Variants in BTAF1 observed in about 807,000 individuals in gnomAD.
BTAF1 encodes B-TFIID TATA-box binding protein associated factor 1.
BTAF1 carries 38 observed loss-of-function variants against 227.1 expected under a neutral mutation model. That is an observed-to-expected ratio of 0.17 (90% CI 0.13 to 0.22). The LOEUF (loss-of-function observed/expected upper bound fraction) is 0.22, where lower values mean the gene tolerates loss of function less well. Among genes scored for constraint, BTAF1 ranks in the 10% least tolerant of loss-of-function variants. The pLI, the probability that BTAF1 is intolerant of heterozygous loss-of-function variation, is 1.00. For synonymous variants in BTAF1, 742 were observed against 751.9 expected, an observed-to-expected ratio of 0.99 and a Z score of 0.21; for missense variants, 1,598 against 2,204.0, an observed-to-expected ratio of 0.73 and a Z score of 5.51.
At position 91,942,298 on chromosome 10, in the gene BTAF1, T is replaced by TTG. The variant is rs58443276; in HGVS notation, c.254-92_254-91dup. 0.022 allele frequency: 11,772 copies of TTG among 544,822 alleles called. 120 individuals are homozygous for TTG. The highest frequency in any genetic ancestry group is 0.068 in the African/African-American group (3,476 of 51,302). 33.7% of individuals were successfully genotyped at this position (544,822 alleles called of 1,614,324 possible). ...GACCTCACTTCTTAAAAAAAAAAGT[T>TTG]TGTGTGTGTGTGTGTGTGTGTGTGT... On this transcript the variant is annotated intron_variant, in intron 3 of 37. Coordinates refer to ENST00000265990, the MANE Select transcript of BTAF1 (RefSeq NM_003972.3).
chr10:91,952,084 C>T (rs1030847426), intron 5 of BTAF1, among the ~76,000 whole-genome samples: 1 of 151,124 alleles, frequency 6.6e-6, no homozygotes, highest in Admixed American at 6.6e-5. Context: ...GTTACTTGTG[C>T]ATCATTTCTG....
chr10:91,986,976 C>T (rs1848436660), intron 19 of BTAF1, among the ~76,000 whole-genome samples: 1 of 152,064 alleles, frequency 6.6e-6, no homozygotes, highest in South Asian at 2.1e-4. Context: ...ATCTTTGTCT[C>T]TTGCACCATT....
intron 5 of BTAF1, among the ~76,000 whole-genome samples, chr10:91,953,312 A>G (rs1845887816): frequency 6.6e-6 from 1 of 152,232 alleles, no homozygotes; most frequent in African/African-American, 2.4e-5. Flanking sequence ...GGACTATAGC[A>G]TGCTGGACCA....
rs1850733829 is a variant in BTAF1 at position 92,016,477 on chromosome 10, A to G, written c.4710+12A>G. The G allele has an allele frequency of 4.6e-6, 7 of 1,531,250 alleles. No individual in the cohort carries two copies. Among genetic ancestry groups the G allele is most frequent in the East Asian group, 2.4e-5 (1 of 41,644 alleles). 94.9% of individuals were successfully genotyped at this position (1,531,250 alleles called of 1,614,324 possible). On this transcript the variant is annotated intron_variant, in intron 33 of 37. Coordinates refer to ENST00000265990, the MANE Select transcript of BTAF1 (RefSeq NM_003972.3). ...GCCACGTATTCCAGGTATAGATTAC[A>G]TTCTACTTTTTTTTTTTTTGAGATG...
At chr10:92,004,812 A>G (rs1447033859) in intron 25 of BTAF1, among the ~76,000 whole-genome samples, 1 of 152,182 alleles carries the variant, frequency 6.6e-6, no homozygotes, top group Admixed American at 6.5e-5. Context: ...AGTCATATCC[A>G]AAAAATTTGT....
chr10:91,982,021 GT>G (rs1306735245), intron 16 of BTAF1, 61 bp from the exon 17 acceptor site: 1 of 1,520,220 alleles, frequency 6.6e-7, no homozygotes, highest in African/African-American at 1.4e-5. Flanking sequence ...TCATATTTTT[GT>G]TGTTGCCTAT....
chr10:92,008,014 G>A (rs1392337674), intron 25 of BTAF1, 109 bp from the exon 26 acceptor site: 2 of 1,056,114 alleles, frequency 1.9e-6, no homozygotes, highest in African/African-American at 3.3e-5. Context: ...TCAAGTCTTT[G>A]TACAATTTTC....
intron 2 of BTAF1, among the ~76,000 whole-genome samples, chr10:91,936,438 G>A (rs1021558749): frequency 6.6e-6 from 1 of 152,170 alleles, no homozygotes; most frequent in African/African-American, 2.4e-5. Context: ...GATATAGGGA[G>A]CCTCAGGATC....
At chr10:91,937,891 A>G (rs1844744194) in intron 2 of BTAF1, among the ~76,000 whole-genome samples, 2 of 152,198 alleles carry the variant, frequency 1.3e-5, no homozygotes, top group Admixed American at 1.3e-4. Context: ...TACGTTTTCA[A>G]CAGTAGTGTA....
intron 34 of BTAF1, among the ~76,000 whole-genome samples, chr10:92,024,388 T>C (rs113964940): frequency 3.9e-5 from 6 of 152,158 alleles, no homozygotes; most frequent in Non-Finnish European, 4.4e-5. Flanking sequence ...AGGTTTGTTA[T>C]TAGATAAACT....
Position 91,962,670 on chromosome 10 carries a change from A to C in BTAF1, c.1396A>C (p.Thr466Pro). Reference sequence around the variant, plus strand: ...AGTAGAAAGCCTTGTCTATCTTCAGACACAAAAGGTAAATTAAATATTTTT... The same window carrying C: ...AGTAGAAAGCCTTGTCTATCTTCAGCCACAAAAGGTAAATTAAATATTTTT... Reference protein sequence around the residue: ...PVVESLVYLQTQKVPFIINTL... With the variant: ...PVVESLVYLQPQKVPFIINTL... The change falls in exon 12 of 38, where the codon ACA becomes CCA. Residue 466 changes from threonine (T) to proline (P), a missense_variant. Thr to Pro is a conservative substitution (Grantham distance 38). This residue lies in a region of BTAF1 where 318 missense variants were observed against 435.0 expected (regional missense o/e 0.73). Coordinates refer to ENST00000265990, the MANE Select transcript of BTAF1 (RefSeq NM_003972.3). 1 of 1,590,266 alleles carries C rather than the reference A, an allele frequency of 6.3e-7. No homozygotes were observed. The highest frequency in any genetic ancestry group is 8.5e-7 in the Non-Finnish European group (1 of 1,171,526).
intron 33 of BTAF1, among the ~76,000 whole-genome samples, 171 bp downstream of exon 33, chr10:92,016,636 T>C (rs1850753685): frequency 6.6e-6 from 1 of 152,040 alleles, no homozygotes; most frequent in Non-Finnish European, 1.5e-5. Context: ...CCACCATGCC[T>C]GGATAATTTT....
chr10:91,991,797 G>GTATATATATATATATATATATATATA (rs1166615338), intron 20 of BTAF1, among the ~76,000 whole-genome samples: 4 of 10,012 alleles, frequency 4.0e-4, no homozygotes, highest in African/African-American at 7.3e-4. Context: ...GTGTGTGTGT[G>GTATATATATATATATATATATATATA]TATATATATA....
chr10:91,933,050 C>T (rs1476093299), intron 1 of BTAF1, among the ~76,000 whole-genome samples: 1 of 152,168 alleles, frequency 6.6e-6, no homozygotes, highest in Non-Finnish European at 1.5e-5. Context: ...AACCAGTGAC[C>T]ATTCTGGGGA....
At chr10:91,982,253 C>CT in intron 17 of BTAF1, 28 bp downstream of exon 17, 2 of 1,613,410 alleles carry the variant, frequency 1.2e-6, no homozygotes, top group Non-Finnish European at 1.7e-6. Context: ...GTCAGGTAGT[C>CT]ATACATTTAC....
intron 20 of BTAF1, 76 bp downstream of exon 20, chr10:91,989,656 T>G: frequency 7.6e-7 from 1 of 1,321,132 alleles, no homozygotes; most frequent in Non-Finnish European, 1.0e-6. Context: ...GGGTATAATT[T>G]AAGCACAAAT....
intron 32 of BTAF1, among the ~76,000 whole-genome samples, chr10:92,015,393 T>C (rs1323553439): frequency 1.3e-5 from 2 of 152,166 alleles, no homozygotes; most frequent in Non-Finnish European, 1.5e-5. Context: ...AACTTACTTT[T>C]CCCCCCTCCA....
Position 92,018,892 on chromosome 10 carries a change from T to C in BTAF1, c.4820T>C (p.Leu1607Pro), listed in dbSNP as rs1040476303. 1.2e-6 allele frequency: 2 copies of C among 1,608,390 alleles called. No individual in the cohort carries two copies. Among genetic ancestry groups the C allele is most frequent in the Non-Finnish European group, 1.7e-6 (2 of 1,178,384 alleles). The part of the protein sequence containing the change: ...AEKLAVQNSS[L>P]HDIQHAPKLS... ...AAACTGGCAGTTCAGAATTCTTCTC[T>C]ACATGATATTCAACATGCCCCTAAG... Residue 1607 changes from leucine to proline, a missense_variant, in exon 34 of 38, where the codon CTA becomes CCA. Transcript: ENST00000265990.
intron 1 of BTAF1, among the ~76,000 whole-genome samples, chr10:91,925,768 C>G (rs1843785677): frequency 6.6e-6 from 1 of 152,180 alleles, no homozygotes; most frequent in African/African-American, 2.4e-5. Context: ...CCTTGGCCTC[C>G]CAAAGTGCTG....
Sources: gnomAD v4.1 joint callset for allele counts (sites outside exome capture counted in the v4.1 genomes callset) on GRCh38, gnomAD v4.1.1 for gene constraint, gnomAD v4.1.1 regional missense constraint, MANE v1.5 for transcripts, NCBI Gene and HGNC (gene_info 2026-07-23, HGNC 2026-07-21) for gene names.